Variants in NR3C2 observed in about 807,000 individuals in gnomAD.
The protein encoded by NR3C2 is mineralocorticoid receptor.
A neutral mutation model predicts 86.4 loss-of-function variants in NR3C2; 15 were observed. That is an observed-to-expected ratio of 0.17 (90% CI 0.12 to 0.27). The LOEUF is 0.27. Ranked by LOEUF, NR3C2 falls within the 10% of genes least tolerant of loss-of-function variation. The pLI is 1.00. For missense variants in NR3C2, 960 were observed against 1,195.6 expected (o/e 0.80, Z 2.91); for synonymous variants, 458 against 450.5 (o/e 1.02, Z -0.21).
At chr4:148,380,083 G>A (rs1204017395) in intron 2 of NR3C2, among the ~76,000 whole-genome samples, 2 of 152,134 alleles carry the variant, frequency 1.3e-5, no homozygotes, top group African/African-American at 2.4e-5. Context: ...TTTTTATTGA[G>A]ATATAATTCA....
chr4:148,185,457 A>G (rs1735845910), intron 4 of NR3C2, among the ~76,000 whole-genome samples: 1 of 152,232 alleles, frequency 6.6e-6, no homozygotes, highest in African/African-American at 2.4e-5. Flanking sequence ...CAGCCAGTTA[A>G]TTCATTGATC....
intron 4 of NR3C2, among the ~76,000 whole-genome samples, chr4:148,170,110 A>T (rs988365545): frequency 3.3e-5 from 5 of 152,204 alleles, no homozygotes; most frequent in Non-Finnish European, 5.9e-5. Flanking sequence ...GGTCCTGTGT[A>T]TTGTACAGTG....
Position 148,436,155 on chromosome 4 carries a change from T to G in NR3C2, c.706A>C (p.Thr236Pro), listed in dbSNP as rs1750056077. Residue 236 changes from threonine (T) to proline (P), a missense_variant, in exon 2 of 9, where the codon ACA becomes CCA. Physicochemically the swap from Thr to Pro is conservative, Grantham distance 38. This residue lies in a region of NR3C2 where 680 missense variants were observed against 719.0 expected (regional missense o/e 0.95). Coordinates refer to ENST00000358102, the MANE Select transcript of NR3C2 (RefSeq NM_000901.5). ...CGATTTTCAACATTAGGGGAGCATG[T>G]CAGAGGAGTTCCCTGGGTGATTGGG... ...HSPITQGTPL[T>P]CSPNVENRGS... 6.2e-7 allele frequency: 1 copy of G among 1,614,138 alleles called. No homozygotes were observed. The highest frequency in any genetic ancestry group is 8.5e-7 in the Non-Finnish European group (1 of 1,180,018).
chr4:148,194,298 G>A (rs944430248), intron 4 of NR3C2, among the ~76,000 whole-genome samples: 8 of 152,064 alleles, frequency 5.3e-5, no homozygotes, highest in African/African-American at 1.9e-4. Context: ...CTCTTTTGAT[G>A]AGCCACTGTA....
At chr4:148,274,132 A>C (rs1740840031) in intron 2 of NR3C2, among the ~76,000 whole-genome samples, 1 of 152,084 alleles carries the variant, frequency 6.6e-6, no homozygotes, top group South Asian at 2.1e-4. Context: ...AAAGGGAGAG[A>C]AATAATATCT....
In NR3C2 at chr4:148,134,625, T is replaced by TTCTC. The variant is rs199563185; in HGVS notation, c.2511-14341_2511-14338dup. Among the ~76,000 whole-genome samples, 8 of 101,084 alleles carry TTCTC rather than the reference T, an allele frequency of 7.9e-5. No homozygotes were observed. In the East Asian group the frequency reaches 1.7e-3, roughly 22 times the overall value. The allele number at this position is 101,084 out of a possible 152,430, so 66.3% of individuals were successfully genotyped here. Reference sequence around the variant, plus strand: ...CCTTAAAAGTGTTAGCTCCCTGTGATTCTCTCTCTCTCTCTCTCTTTTTTT... The same window carrying TTCTC: ...CCTTAAAAGTGTTAGCTCCCTGTGATTCTCTCTCTCTCTCTCTCTCTCTTTTTTT... On this transcript the variant is annotated intron_variant, in intron 6 of 8. Coordinates refer to ENST00000358102, the MANE Select transcript of NR3C2 (RefSeq NM_000901.5).
chr4:148,177,801 T>G (rs1394289908), intron 4 of NR3C2, among the ~76,000 whole-genome samples: 1 of 152,136 alleles, frequency 6.6e-6, no homozygotes, highest in East Asian at 1.9e-4. Context: ...TATCTCCATA[T>G]CCCTCATCTC....
intron 3 of NR3C2, among the ~76,000 whole-genome samples, chr4:148,235,194 A>G (rs1418630837): frequency 1.3e-5 from 2 of 151,848 alleles, no homozygotes; most frequent in East Asian, 3.9e-4. Context: ...GATCTTCATG[A>G]GATGATACTA....
intron 8 of NR3C2, among the ~76,000 whole-genome samples, chr4:148,097,742 T>G (rs939069375): frequency 1.7e-5 from 2 of 120,318 alleles, no homozygotes; most frequent in South Asian, 2.4e-4. Flanking sequence ...CTTTTTTGCG[T>G]TTTTTTTTGT....
intron 2 of NR3C2, among the ~76,000 whole-genome samples, chr4:148,339,683 T>G (rs955207511): frequency 6.6e-6 from 1 of 152,120 alleles, no homozygotes; most frequent in African/African-American, 2.4e-5. Flanking sequence ...AAAAAAGTCC[T>G]TTCACTGTAA....
At position 148,427,995 on chromosome 4, in the gene NR3C2, C is replaced by T. The variant is rs192051893; in HGVS notation, c.1757+7109G>A. 3.9e-5 allele frequency among the ~76,000 whole-genome samples: 6 copies of T among 152,310 alleles called. No individual in the cohort carries two copies. The East Asian group carries it at 9.6e-4, about 24-fold the overall frequency. On this transcript the variant is annotated intron_variant, in intron 2 of 8. Coordinates refer to ENST00000358102, the MANE Select transcript of NR3C2 (RefSeq NM_000901.5). Reference sequence around the variant, plus strand: ...ACAAAGTCTGATGAAGAATGGGGTGCTTACACAGTTTCAAAGTACCTTCCA... The same window carrying T: ...ACAAAGTCTGATGAAGAATGGGGTGTTTACACAGTTTCAAAGTACCTTCCA...
chr4:148,253,330 C>G (rs1472699144), intron 3 of NR3C2, among the ~76,000 whole-genome samples: 1 of 152,096 alleles, frequency 6.6e-6, no homozygotes. Context: ...AGAACCAAAC[C>G]TAGGATTGAA....
At chr4:148,211,817 G>A (rs983924411) in intron 3 of NR3C2, among the ~76,000 whole-genome samples, 3 of 152,192 alleles carry the variant, frequency 2.0e-5, no homozygotes, top group Non-Finnish European at 4.4e-5. Flanking sequence ...TAGCTGGACT[G>A]ATCCAATCAT....
intron 3 of NR3C2, among the ~76,000 whole-genome samples, chr4:148,197,885 C>T (rs1223148715): frequency 1.3e-5 from 2 of 152,110 alleles, no homozygotes; most frequent in Admixed American, 6.5e-5. Context: ...CAACACAACA[C>T]ACAACCAAAA....
chr4:148,270,437 A>G (rs6825530), intron 2 of NR3C2, among the ~76,000 whole-genome samples: 87,043 of 151,914 alleles, frequency 0.57, 25,415 homozygotes, highest in East Asian at 0.85. Context: ...ATGAGAACAC[A>G]TTTACAGAAG....
intron 3 of NR3C2, among the ~76,000 whole-genome samples, chr4:148,210,283 C>T (rs1263544926): frequency 6.6e-6 from 1 of 152,026 alleles, no homozygotes; most frequent in Non-Finnish European, 1.5e-5. Flanking sequence ...CTCCACCTCC[C>T]GGGTTCAAGC....
chr4:148,436,109 G>A lies in NR3C2; in HGVS notation c.752C>T (p.Pro251Leu). 6.2e-7 allele frequency: 1 copy of A among 1,614,162 alleles called. No individual in the cohort carries two copies. Residue 251 changes from proline (P) to leucine (L), a missense_variant, in exon 2 of 9, where the codon CCT becomes CTT. By Grantham distance (98) the Pro-to-Leu change is moderately conservative. This residue lies in a region of NR3C2 where 680 missense variants were observed against 719.0 expected (regional missense o/e 0.95). Coordinates refer to ENST00000358102, the MANE Select transcript of NR3C2 (RefSeq NM_000901.5). ...VENRGSRSHS[P>L]AHASNVGSPL... ...AGAGCCCACATTGCTAGCATGTGCA[G>A]GGCTGTGCGACCTGGAGCCTCGATT...
At chr4:148,356,899 CTGTGTGTGTGTG>C (rs67285458) in intron 2 of NR3C2, among the ~76,000 whole-genome samples, 9 of 148,968 alleles carry the variant, frequency 6.0e-5, no homozygotes, top group Non-Finnish European at 9.0e-5. Flanking sequence ...CTAAGCACGA[CTGTGTGTGTGTG>C]TGTGTGTGTG....
intron 3 of NR3C2, among the ~76,000 whole-genome samples, chr4:148,204,056 T>G (rs538532418): frequency 6.6e-6 from 1 of 152,206 alleles, no homozygotes; most frequent in Non-Finnish European, 1.5e-5. Flanking sequence ...AATTCCCACA[T>G]AAACATTCTT....
Sources: gnomAD v4.1 joint callset for allele counts (sites outside exome capture counted in the v4.1 genomes callset) on GRCh38, gnomAD v4.1.1 for gene constraint, gnomAD v4.1.1 regional missense constraint, MANE v1.5 for transcripts, NCBI Gene and HGNC (gene_info 2026-07-23, HGNC 2026-07-21) for gene names.